The following SHANK2 variants were observed in gnomAD, a reference collection of about 807,000 sequenced individuals.
SHANK2 encodes the protein SH3 and multiple ankyrin repeat domains 2.
SHANK2 carries 43 observed loss-of-function variants against 133.7 expected under a neutral mutation model. The observed-to-expected ratio is 0.32, with a 90% CI of 0.25 to 0.41. SHANK2 has a LOEUF of 0.41. Among genes scored for constraint, SHANK2 ranks in the 10% least tolerant of loss-of-function variants. The pLI is 1.00. For missense variants in SHANK2, 1,994 were observed against 2,235.8 expected (o/e 0.89, Z 2.18); for synonymous variants, 1,017 against 952.8 (o/e 1.07, Z -1.24).
intron 17 of SHANK2, among the ~76,000 whole-genome samples, chr11:70,594,570 G>C (rs1554988945): frequency 1.3e-5 from 2 of 152,194 alleles, no homozygotes; most frequent in African/African-American, 4.8e-5. Flanking sequence ...TTTTAGAGGA[G>C]AAGTAGCTTG....
intron 14 of SHANK2, among the ~76,000 whole-genome samples, chr11:70,752,346 T>C (rs1381750573): frequency 2.0e-5 from 3 of 151,790 alleles, no homozygotes; most frequent in African/African-American, 7.3e-5. Context: ...AAAGCCAGAG[T>C]GGCTATATTA....
intron 11 of SHANK2, among the ~76,000 whole-genome samples, chr11:70,889,816 G>A (rs1949811378): frequency 6.6e-6 from 1 of 152,188 alleles, no homozygotes; most frequent in Non-Finnish European, 1.5e-5. Flanking sequence ...TTCAGAAGCT[G>A]TCTTAGGGGC....
intron 17 of SHANK2, among the ~76,000 whole-genome samples, chr11:70,651,135 G>A (rs567658416): frequency 2.0e-5 from 3 of 152,164 alleles, no homozygotes; most frequent in African/African-American, 4.8e-5. Flanking sequence ...CCTTGACCGC[G>A]GCTCCTCTCT....
At chr11:70,718,148 C>G (rs1371176700) in intron 14 of SHANK2, among the ~76,000 whole-genome samples, 1 of 152,198 alleles carries the variant, frequency 6.6e-6, no homozygotes, top group Non-Finnish European at 1.5e-5. Flanking sequence ...ATGCCATTAG[C>G]AGGGAGAGGC....
intron 2 of SHANK2, among the ~76,000 whole-genome samples, chr11:71,200,097 C>A (rs533949230): frequency 1.3e-5 from 2 of 152,244 alleles, no homozygotes; most frequent in African/African-American, 2.4e-5. Flanking sequence ...TTCTCAGCAC[C>A]CCACATGGAA....
chr11:70,708,412 G>T (rs1945710907), intron 14 of SHANK2, among the ~76,000 whole-genome samples: 1 of 152,122 alleles, frequency 6.6e-6, no homozygotes, highest in African/African-American at 2.4e-5. Context: ...TAAACATTGG[G>T]ATTCAAGATG....
At chr11:70,648,178 G>A (rs1036887758) in intron 17 of SHANK2, among the ~76,000 whole-genome samples, 1 of 152,202 alleles carries the variant, frequency 6.6e-6, no homozygotes, top group Non-Finnish European at 1.5e-5. Context: ...GATTCTGTGG[G>A]TGGAAAATGC....
Position 70,599,971 on chromosome 11 carries a change from G to GAAAGAAAGAAAGAA in SHANK2, c.2061+59856_2061+59857insTTCTTTCTTTCTTT, listed in dbSNP as rs782190120. 2.5e-3 allele frequency among the ~76,000 whole-genome samples: 259 copies of GAAAGAAAGAAAGAA among 104,862 alleles called. 3 individuals are homozygous for GAAAGAAAGAAAGAA. Among genetic ancestry groups the GAAAGAAAGAAAGAA allele is most frequent in the South Asian group, 3.9e-3 (14 of 3,630 alleles). The allele number at this position is 104,862 out of a possible 152,430, so 68.8% of individuals were successfully genotyped here. A position where few individuals can be genotyped will look rare whatever the true frequency, so the allele number is the denominator to read the frequency against. ...AGAAAGAAAGAAAGAAAGAAAGAAAGAAAATGTATCATGTTCTTGAACAGG... is the reference window on the plus strand; with the variant it reads ...AGAAAGAAAGAAAGAAAGAAAGAAAGAAAGAAAGAAAGAAAAAATGTATCATGTTCTTGAACAGG... On this transcript the variant is annotated intron_variant, in intron 17 of 25. Coordinates refer to ENST00000601538, the MANE Select transcript of SHANK2 (RefSeq NM_012309.5).
chr11:70,811,637 T>TCATCCACTCATCCATCCATCCATC (rs1555053235), intron 12 of SHANK2, among the ~76,000 whole-genome samples: 3 of 147,518 alleles, frequency 2.0e-5, no homozygotes, highest in African/African-American at 7.6e-5. Flanking sequence ...ATCCATCCAC[T>TCATCCACTCATCCATCCATCCATC]CATCCATCCA....
intron 11 of SHANK2, among the ~76,000 whole-genome samples, chr11:70,859,338 A>G (rs942007690): frequency 2.6e-5 from 4 of 152,060 alleles, no homozygotes; most frequent in Non-Finnish European, 4.4e-5. Flanking sequence ...GGACTGATGA[A>G]TGGATGGATG....
intron 10 of SHANK2, among the ~76,000 whole-genome samples, chr11:70,955,378 C>G (rs1555087550): frequency 6.6e-6 from 1 of 151,504 alleles, no homozygotes; most frequent in Non-Finnish European, 1.5e-5. Flanking sequence ...CCAGTCAGTT[C>G]CCCTATGCTT....
intron 21 of SHANK2, among the ~76,000 whole-genome samples, chr11:70,499,198 A>C (rs1294124815): frequency 6.6e-6 from 1 of 152,240 alleles, no homozygotes; most frequent in Non-Finnish European, 1.5e-5. Flanking sequence ...GGCTGTCAGC[A>C]ACGCTCGGTG....
At chr11:70,556,393 T>TC (rs1565126799) in intron 17 of SHANK2, among the ~76,000 whole-genome samples, 398 of 11,960 alleles carry the variant, frequency 0.033, 4 homozygotes, top group African/African-American at 0.075. Context: ...CTTTCTTTCT[T>TC]TCTCTCTCTC....
chr11:70,876,245 C>T (rs148008481), intron 11 of SHANK2, among the ~76,000 whole-genome samples: 1,979 of 104,842 alleles, frequency 0.019, 44 homozygotes, highest in African/African-American at 0.07. Flanking sequence ...CACATATAGA[C>T]ACACACACAC....
chr11:70,820,173 T>C (rs1948485980), intron 12 of SHANK2, among the ~76,000 whole-genome samples, 191 bp downstream of exon 12: 1 of 152,180 alleles, frequency 6.6e-6, no homozygotes, highest in African/African-American at 2.4e-5. Flanking sequence ...CTCGGGAAGG[T>C]GACCCCAGCC....
chr11:71,157,151 G>C (rs1378976586), intron 2 of SHANK2, among the ~76,000 whole-genome samples: 1 of 151,908 alleles, frequency 6.6e-6, no homozygotes, highest in Non-Finnish European at 1.5e-5. Flanking sequence ...TATATATAAA[G>C]ACACTGACAG....
intron 14 of SHANK2, among the ~76,000 whole-genome samples, chr11:70,755,846 G>T (rs1172993708): frequency 6.6e-6 from 1 of 152,234 alleles, no homozygotes; most frequent in Non-Finnish European, 1.5e-5. Flanking sequence ...CCATCGTAGG[G>T]CCACTTTTGC....
chr11:70,889,918 G>A (rs1022445290), intron 11 of SHANK2, among the ~76,000 whole-genome samples: 30 of 152,158 alleles, frequency 2.0e-4, no homozygotes, highest in African/African-American at 7.0e-4. Context: ...CCAGGACATG[G>A]GGGAGTAGGA....
chr11:71,098,204 TG>T (rs1951659976), intron 6 of SHANK2, among the ~76,000 whole-genome samples: 1 of 151,422 alleles, frequency 6.6e-6, no homozygotes, highest in Non-Finnish European at 1.5e-5. Flanking sequence ...TGTACATGCC[TG>T]TGCGTGTGCA....
Sources: gnomAD v4.1 joint callset for allele counts (sites outside exome capture counted in the v4.1 genomes callset) on GRCh38, gnomAD v4.1.1 for gene constraint, MANE v1.5 for transcripts, NCBI Gene and HGNC (gene_info 2026-07-23, HGNC 2026-07-21) for gene names.